Variants in GRAMD1C observed in about 807,000 individuals in gnomAD.
GRAMD1C encodes the protein GRAM domain containing 1C.
Under a neutral mutation model 97.8 loss-of-function variants are expected in GRAMD1C, and 89 were observed. That is an observed-to-expected ratio of 0.91 (90% CI 0.77 to 1.09). The LOEUF (loss-of-function observed/expected upper bound fraction) is 1.09, where lower values mean the gene tolerates loss of function less well. Ranked by LOEUF, GRAMD1C falls within the 50% of genes least tolerant of loss-of-function variation. GRAMD1C has a pLI of 0.00. For missense variants in GRAMD1C, 740 were observed against 766.4 expected (o/e 0.97, Z 0.41); for synonymous variants, 256 against 267.0 (o/e 0.96, Z 0.40).
At chr3:113,924,560 C>T (rs1937169111) in intron 10 of GRAMD1C, among the ~76,000 whole-genome samples, 1 of 152,096 alleles carries the variant, frequency 6.6e-6, no homozygotes, top group South Asian at 2.1e-4. Flanking sequence ...GTTTAATTTC[C>T]ATGTAATTGT....
At chr3:113,894,743 GCTTAAAGAGACAGAATGTCTTTTCAT>G (rs1935866984) in intron 6 of GRAMD1C, among the ~76,000 whole-genome samples, 1 of 152,122 alleles carries the variant, frequency 6.6e-6, no homozygotes, top group Non-Finnish European at 1.5e-5. Context: ...GAATTTTAAG[GCTTAAAGAGACAGAATGTCTTTTCAT>G]CTTATTCCCA....
intron 5 of GRAMD1C, among the ~76,000 whole-genome samples, chr3:113,876,955 A>C (rs1935069537): frequency 6.6e-6 from 1 of 152,206 alleles, no homozygotes; most frequent in African/African-American, 2.4e-5. Context: ...CATGATATTA[A>C]ATCTTTGTAA....
intron 11 of GRAMD1C, among the ~76,000 whole-genome samples, chr3:113,931,325 G>A (rs1171782743): frequency 1.3e-5 from 2 of 151,752 alleles, no homozygotes; most frequent in South Asian, 2.1e-4. Flanking sequence ...GCTCCTGAGG[G>A]TCATTATACT....
chr3:113,913,608 A>G (rs1208267109), intron 9 of GRAMD1C, among the ~76,000 whole-genome samples: 1 of 152,184 alleles, frequency 6.6e-6, no homozygotes, highest in Non-Finnish European at 1.5e-5. Flanking sequence ...GTTTGGCTTT[A>G]TAGCAGTAAG....
chr3:113,922,961 A>G (rs1354804007), intron 10 of GRAMD1C, among the ~76,000 whole-genome samples: 1 of 152,022 alleles, frequency 6.6e-6, no homozygotes, highest in Non-Finnish European at 1.5e-5. Flanking sequence ...AATATTTTAT[A>G]ATTCTTGTTG....
intron 2 of GRAMD1C, among the ~76,000 whole-genome samples, chr3:113,864,012 T>C (rs1375007258): frequency 1.3e-5 from 2 of 152,242 alleles, no homozygotes; most frequent in Non-Finnish European, 2.9e-5. Context: ...TCTGCTTCCC[T>C]TTGAATTATA....
chr3:113,865,355 CT>C (rs1231233903), intron 2 of GRAMD1C, among the ~76,000 whole-genome samples: 1 of 152,160 alleles, frequency 6.6e-6, no homozygotes, highest in Non-Finnish European at 1.5e-5. Context: ...ACCATAGCAA[CT>C]ACCAAAACTC....
intron 10 of GRAMD1C, chr3:113,919,245 TG>T: frequency 5.1e-6 from 2 of 389,294 alleles, no homozygotes; most frequent in East Asian, 1.4e-4. Context: ...AAGGCTTTTT[TG>T]GTCCAGTTTG....
chr3:113,849,440 A>C (rs373592945), intron 2 of GRAMD1C, among the ~76,000 whole-genome samples: 1 of 151,892 alleles, frequency 6.6e-6, no homozygotes, highest in Non-Finnish European at 1.5e-5. Context: ...AGGACCCTGC[A>C]GCCTTCCGCA....
At chr3:113,902,016 G>A (rs1936190096) in intron 7 of GRAMD1C, among the ~76,000 whole-genome samples, 1 of 152,174 alleles carries the variant, frequency 6.6e-6, no homozygotes, top group Non-Finnish European at 1.5e-5. Flanking sequence ...CTTTGTTGGG[G>A]TGATGACAAT....
At chr3:113,843,627 C>T (rs1933475046) in intron 1 of GRAMD1C, among the ~76,000 whole-genome samples, 1 of 152,010 alleles carries the variant, frequency 6.6e-6, no homozygotes, top group Non-Finnish European at 1.5e-5. Context: ...TACAGGCCAC[C>T]ATGCCTGGCT....
At chr3:113,830,292 C>A (rs540439215) in intron 1 of GRAMD1C, among the ~76,000 whole-genome samples, 1 of 152,166 alleles carries the variant, frequency 6.6e-6, no homozygotes, top group Non-Finnish European at 1.5e-5. Flanking sequence ...GAGAAGAGGA[C>A]CCTCCCTGTT....
intron 2 of GRAMD1C, among the ~76,000 whole-genome samples, chr3:113,852,312 C>A (rs1933944851): frequency 6.6e-6 from 1 of 152,058 alleles, no homozygotes; most frequent in South Asian, 2.1e-4. Flanking sequence ...AAGGATATTT[C>A]AGATTTTTAC....
At chr3:113,900,197 A>G (rs923797025) in intron 6 of GRAMD1C, among the ~76,000 whole-genome samples, 2 of 151,468 alleles carry the variant, frequency 1.3e-5, no homozygotes, top group African/African-American at 2.4e-5. Flanking sequence ...CATCTCTACT[A>G]AAAATACAAA....
intron 6 of GRAMD1C, among the ~76,000 whole-genome samples, chr3:113,895,644 T>A (rs1935908531): frequency 6.6e-6 from 1 of 152,222 alleles, no homozygotes; most frequent in South Asian, 2.1e-4. Context: ...ATTTGTCACG[T>A]TTGCTATGTA....
chr3:113,941,331 T>C (rs1937763467), intron 17 of GRAMD1C, among the ~76,000 whole-genome samples: 1 of 152,218 alleles, frequency 6.6e-6, no homozygotes, highest in Non-Finnish European at 1.5e-5. Context: ...CTCATGCCTA[T>C]AATTCTGGAA....
At chr3:113,867,355 C>T (rs1235413808) in intron 2 of GRAMD1C, among the ~76,000 whole-genome samples, 3 of 152,028 alleles carry the variant, frequency 2.0e-5, no homozygotes, top group African/African-American at 2.4e-5. Context: ...TGCAGTGGTG[C>T]GATCTGGGCT....
intron 1 of GRAMD1C, among the ~76,000 whole-genome samples, chr3:113,839,778 A>G (rs1022027708): frequency 1.3e-5 from 2 of 152,198 alleles, no homozygotes; most frequent in African/African-American, 4.8e-5. Context: ...TATTGTCTAG[A>G]CTAGAGATAA....
chr3:113,916,876 TGGTG>T (rs1178150476), intron 10 of GRAMD1C, among the ~76,000 whole-genome samples: 2 of 152,196 alleles, frequency 1.3e-5, no homozygotes, highest in African/African-American at 4.8e-5. Context: ...GGGCTGGGTA[TGGTG>T]GCTCATGCCT....
Sources: allele counts gnomAD v4.1 joint callset (sites outside exome capture counted in the v4.1 genomes callset), GRCh38; gene constraint gnomAD v4.1.1; transcripts MANE v1.5; gene names NCBI Gene and HGNC (gene_info 2026-07-23, HGNC 2026-07-21).